The following FBXL17 variants were observed in gnomAD, a reference collection of about 807,000 sequenced individuals.
The protein encoded by FBXL17 is F-box/LRR-repeat protein 17.
A neutral mutation model predicts 66.2 loss-of-function variants in FBXL17; 22 were observed. The observed-to-expected ratio is 0.33, with a 90% CI of 0.24 to 0.47. The LOEUF is 0.47. Ranked by LOEUF, FBXL17 falls within the 20% of genes least tolerant of loss-of-function variation. FBXL17 has a pLI of 1.00. For synonymous variants in FBXL17, 474 were observed against 400.5 expected (o/e 1.18, Z -2.19); for missense variants, 878 against 948.2 (o/e 0.93, Z 0.97).
intron 1 of FBXL17, among the ~76,000 whole-genome samples, chr5:108,369,246 C>T (rs1431559274): frequency 6.6e-6 from 1 of 152,200 alleles, no homozygotes; most frequent in Non-Finnish European, 1.5e-5. Context: ...TGATAAAAGA[C>T]CCAAAAGAAT....
intron 1 of FBXL17, among the ~76,000 whole-genome samples, chr5:108,372,484 C>T (rs975406647): frequency 1.6e-4 from 25 of 152,210 alleles, no homozygotes; most frequent in African/African-American, 5.3e-4. Context: ...GCATCATAAT[C>T]AAATTGTTGA....
chr5:108,191,711 C>T (rs1171746522), intron 5 of FBXL17, among the ~76,000 whole-genome samples: 1 of 152,156 alleles, frequency 6.6e-6, no homozygotes, highest in Non-Finnish European at 1.5e-5. Flanking sequence ...CAGGCCTACT[C>T]CTCACAATAA....
In FBXL17 at chr5:107,879,280, TG is replaced by T. The variant is rs1748705681; in HGVS notation, c.1965+1756del. ...TTGGTAGCTTTAGTTAGCATTCATG[TG>T]GCAGTTCCTTCTGCTGGAAGCTGAG... On this transcript the variant is annotated intron_variant, in intron 8 of 8. Coordinates refer to ENST00000542267, the MANE Select transcript of FBXL17 (RefSeq NM_001163315.3). 6.1e-6 allele frequency: 6 copies of T among 985,356 alleles called. No homozygotes were observed. The South Asian group carries it at 2.8e-4, about 46-fold the overall frequency. The allele number at this position is 985,356 out of a possible 1,614,324, so 61.0% of individuals were successfully genotyped here. A position where few individuals can be genotyped will look rare whatever the true frequency, so the allele number is the denominator to read the frequency against.
chr5:108,053,707 TC>T (rs1747572857), intron 6 of FBXL17, among the ~76,000 whole-genome samples: 1 of 152,172 alleles, frequency 6.6e-6, no homozygotes, highest in Non-Finnish European at 1.5e-5. Context: ...GTATGGCAAT[TC>T]CTCAAGGATC....
intron 8 of FBXL17, among the ~76,000 whole-genome samples, chr5:107,871,059 A>AAAG (rs2112487684): frequency 8.9e-6 from 1 of 112,112 alleles, no homozygotes; most frequent in East Asian, 4.5e-4. Flanking sequence ...TTGGGCGGCA[A>AAAG]AAAAAAAAAA....
At chr5:108,240,829 C>T (rs552319703) in intron 4 of FBXL17, among the ~76,000 whole-genome samples, 139 of 152,270 alleles carry the variant, frequency 9.1e-4, no homozygotes, top group African/African-American at 3.3e-3. Context: ...GCTTGTGTCA[C>T]CCCTCCCCCA....
chr5:107,949,887 C>T (rs1751440889), intron 7 of FBXL17, among the ~76,000 whole-genome samples: 1 of 152,114 alleles, frequency 6.6e-6, no homozygotes, highest in Non-Finnish European at 1.5e-5. Flanking sequence ...CTGCTTGGTT[C>T]CTGAGTTCGA....
chr5:108,242,428 C>T (rs1225833685), intron 4 of FBXL17, among the ~76,000 whole-genome samples: 1 of 151,380 alleles, frequency 6.6e-6, no homozygotes, highest in Admixed American at 6.6e-5. Context: ...TGATATGTTG[C>T]CCAGGTTGGT....
chr5:108,170,069 T>A (rs920366523), intron 6 of FBXL17, among the ~76,000 whole-genome samples: 1 of 152,174 alleles, frequency 6.6e-6, no homozygotes, highest in African/African-American at 2.4e-5. Context: ...TCCAAATATA[T>A]ATTCACACAT....
chr5:108,293,489 T>C (rs1758205994), intron 4 of FBXL17, among the ~76,000 whole-genome samples: 1 of 152,166 alleles, frequency 6.6e-6, no homozygotes. Context: ...TACCTGACTC[T>C]GAGCACAAAA....
chr5:108,230,111 A>G (rs1187483571), intron 4 of FBXL17, among the ~76,000 whole-genome samples: 2 of 152,238 alleles, frequency 1.3e-5, no homozygotes, highest in Non-Finnish European at 1.5e-5. Context: ...ACACTTCTAC[A>G]CTGCTGGTAG....
chr5:108,196,553 A>C lies in FBXL17; in HGVS notation c.1615-10306T>G, dbSNP rs572828246. On this transcript the variant is annotated intron_variant, in intron 5 of 8. Transcript: ENST00000542267. ...ACCATGTCTTACTCACTTTTGTGTCACCAGTGCTTAACACAGTACTAGGTG... is the reference window on the plus strand; with the variant it reads ...ACCATGTCTTACTCACTTTTGTGTCCCCAGTGCTTAACACAGTACTAGGTG... Among the ~76,000 whole-genome samples the C allele has an allele frequency of 3.3e-5, 5 of 152,318 alleles. No homozygotes were observed. The East Asian group carries it at 9.6e-4, about 29-fold the overall frequency.
At chr5:108,332,040 A>G (rs1332834373) in intron 4 of FBXL17, among the ~76,000 whole-genome samples, 1 of 152,198 alleles carries the variant, frequency 6.6e-6, no homozygotes, top group East Asian at 1.9e-4. Flanking sequence ...ATTAAAAACT[A>G]GTAAAAACTA....
rs567417419 is a variant in FBXL17, at chr5:107,959,334, A to G, written c.1822+61591T>C. 3.0e-4 allele frequency among the ~76,000 whole-genome samples: 46 copies of G among 151,764 alleles called. No homozygotes were observed. The South Asian group carries it at 6.5e-3, about 21-fold the overall frequency. On this transcript the variant is annotated intron_variant, in intron 7 of 8. Transcript: ENST00000542267. ...TTTACTTTTGGTAATACAGAAAACT[A>G]AAGTGTTTTGAGTCATGGTCATTAT... is the stretch of plus-strand genomic sequence containing the variant.
intron 7 of FBXL17, among the ~76,000 whole-genome samples, chr5:107,909,997 A>C (rs373396952): frequency 6.6e-6 from 1 of 152,164 alleles, no homozygotes; most frequent in Admixed American, 6.6e-5. Context: ...TTAGAAAAGT[A>C]AAGTCACTAA....
At chr5:108,272,298 T>A (rs545215483) in intron 4 of FBXL17, among the ~76,000 whole-genome samples, 9 of 149,610 alleles carry the variant, frequency 6.0e-5, no homozygotes, top group East Asian at 2.0e-4. Flanking sequence ...CCAAAAAAAA[T>A]AAATAAATAA....
intron 4 of FBXL17, among the ~76,000 whole-genome samples, chr5:108,259,464 G>C (rs1580704360): frequency 6.6e-6 from 1 of 152,134 alleles, no homozygotes; most frequent in Non-Finnish European, 1.5e-5. Flanking sequence ...AAGTAAAGTT[G>C]TTTACATTCC....
chr5:108,368,003 C>G, intron 1 of FBXL17, 50 bp from the exon 2 acceptor site: 1 of 1,492,784 alleles, frequency 6.7e-7, no homozygotes, highest in Non-Finnish European at 9.0e-7. Context: ...ATTTTCAAGG[C>G]ACAGGAAAAG....
chr5:108,011,381 T>C (rs866528390), intron 7 of FBXL17, among the ~76,000 whole-genome samples: 1 of 152,194 alleles, frequency 6.6e-6, no homozygotes, highest in South Asian at 2.1e-4. Context: ...CTACTTTTCA[T>C]TGTATCTCGG....
Sources: gnomAD v4.1 joint callset for allele counts (sites outside exome capture counted in the v4.1 genomes callset) on GRCh38, gnomAD v4.1.1 for gene constraint, MANE v1.5 for transcripts, NCBI Gene and HGNC (gene_info 2026-07-23, HGNC 2026-07-21) for gene names.